Variants in MBOAT2 observed in about 807,000 individuals in gnomAD.
MBOAT2 encodes the protein membrane bound glycerophospholipid O-acyltransferase 2, also known as membrane-bound glycerophospholipid O-acyltransferase 2.
Under a neutral mutation model 63.4 loss-of-function variants are expected in MBOAT2, and 28 were observed. That is an observed-to-expected ratio of 0.44 (90% CI 0.33 to 0.61). The LOEUF (loss-of-function observed/expected upper bound fraction) is 0.61, where lower values mean the gene tolerates loss of function less well. Ranked by LOEUF, MBOAT2 falls within the 20% of genes least tolerant of loss-of-function variation. The pLI, the probability that MBOAT2 is intolerant of heterozygous loss-of-function variation, is 0.03. For missense variants in MBOAT2, 470 were observed against 605.8 expected (o/e 0.78, Z 2.35); for synonymous variants, 211 against 215.6 (o/e 0.98, Z 0.19).
At chr2:8,903,837 T>A (rs764103628) in intron 4 of MBOAT2, among the ~76,000 whole-genome samples, 1 of 152,186 alleles carries the variant, frequency 6.6e-6, no homozygotes, top group Non-Finnish European at 1.5e-5. Context: ...TGTCTTTATA[T>A]CAACTTCACT....
chr2:8,875,326 T>C (rs987006827), intron 7 of MBOAT2, among the ~76,000 whole-genome samples: 2 of 152,212 alleles, frequency 1.3e-5, no homozygotes, highest in Non-Finnish European at 2.9e-5. Flanking sequence ...TATTTGCCAT[T>C]ATCAACAACC....
At chr2:8,953,593 G>T (rs768332252) in intron 2 of MBOAT2, among the ~76,000 whole-genome samples, 10 of 152,032 alleles carry the variant, frequency 6.6e-5, no homozygotes, top group Non-Finnish European at 1.0e-4. Context: ...ACATTTGGTT[G>T]CTTTACATAA....
chr2:8,855,496 A>G lies in MBOAT2; in HGVS notation c.*3183T>C, dbSNP rs1422333682. On this transcript the variant is annotated 3_prime_UTR_variant, in exon 13 of 13. Coordinates refer to ENST00000305997, the MANE Select transcript of MBOAT2 (RefSeq NM_138799.4). The stretch of plus-strand genomic sequence containing the variant: ...TATGTTTGGAAATCCTGTGTGTGTC[A>G]CACATGGTGGAGACCAATAAATATA... The G allele has an allele frequency of 6.6e-6, 1 of 152,252 alleles. No homozygotes were observed. The highest frequency in any genetic ancestry group is 1.5e-5 in the Non-Finnish European group (1 of 68,042). 9.4% of individuals were successfully genotyped at this position (152,252 alleles called of 1,614,324 possible).
chr2:8,931,006 G>A lies in MBOAT2; in HGVS notation c.299+12181C>T, dbSNP rs917248203. Among the ~76,000 whole-genome samples the A allele has an allele frequency of 4.6e-5, 7 of 151,938 alleles. No homozygotes were observed. In the East Asian group the frequency reaches 5.8e-4, roughly 13 times the overall value. On this transcript the variant is annotated intron_variant, in intron 3 of 12. Coordinates refer to ENST00000305997, the MANE Select transcript of MBOAT2 (RefSeq NM_138799.4). ...TGTCTCTCTTTCACCGTGGGCTGCC[G>A]CCACACCAAATCTTTGGCGTGGCTA...
chr2:8,882,218 C>T (rs1417267859), intron 6 of MBOAT2, among the ~76,000 whole-genome samples: 2 of 152,232 alleles, frequency 1.3e-5, no homozygotes, highest in Admixed American at 6.5e-5. Context: ...TACTATCCTC[C>T]TGTCTTCAAG....
At chr2:8,915,776 A>T (rs1320275295) in intron 3 of MBOAT2, among the ~76,000 whole-genome samples, 2 of 152,216 alleles carry the variant, frequency 1.3e-5, no homozygotes, top group Admixed American at 6.5e-5. Context: ...ATACATGCAA[A>T]TAAAATCCAG....
chr2:8,872,838 T>TA (rs1348364000), intron 8 of MBOAT2, among the ~76,000 whole-genome samples: 1 of 152,262 alleles, frequency 6.6e-6, no homozygotes, highest in Non-Finnish European at 1.5e-5. Context: ...CTATCCTGGC[T>TA]AGCACTGAAT....
chr2:8,976,743 C>T (rs1037125050), intron 1 of MBOAT2, among the ~76,000 whole-genome samples: 2 of 152,184 alleles, frequency 1.3e-5, no homozygotes, highest in Non-Finnish European at 2.9e-5. Flanking sequence ...ACAAATAATA[C>T]CAGCAAATCA....
intron 3 of MBOAT2, among the ~76,000 whole-genome samples, chr2:8,914,235 T>C (rs1665989138): frequency 6.6e-6 from 1 of 152,056 alleles, no homozygotes; most frequent in Non-Finnish European, 1.5e-5. Flanking sequence ...GCTTGGGTGA[T>C]GGGTGCACCA....
chr2:8,856,361 G>C lies in MBOAT2; in HGVS notation c.*2318C>G, dbSNP rs2148498825. Reference sequence around the variant, plus strand: ...CACACGAACAAAACCCAACAAGTTTGTATTAAGCCTTCTTGTTTTCACTTA... The same window carrying C: ...CACACGAACAAAACCCAACAAGTTTCTATTAAGCCTTCTTGTTTTCACTTA... On this transcript the variant is annotated 3_prime_UTR_variant, in exon 13 of 13. Coordinates refer to ENST00000305997, the MANE Select transcript of MBOAT2 (RefSeq NM_138799.4). The surrounding 1 kb of genome is among the most constrained non-coding windows in gnomAD (Gnocchi z 4.2). 1 of 151,014 alleles carries C rather than the reference G, an allele frequency of 6.6e-6. No individual in the cohort carries two copies. The highest frequency in any genetic ancestry group is 1.5e-5 in the Non-Finnish European group (1 of 67,782). 9.4% of individuals were successfully genotyped at this position (151,014 alleles called of 1,614,324 possible).
chr2:8,860,430 T>C (rs940666718), intron 12 of MBOAT2, among the ~76,000 whole-genome samples, 183 bp downstream of exon 12: 1 of 152,208 alleles, frequency 6.6e-6, no homozygotes, highest in Non-Finnish European at 1.5e-5. Context: ...GGTTGAGCAG[T>C]ATGAGTCATT....
At chr2:8,889,092 G>A (rs189212805) in intron 4 of MBOAT2, among the ~76,000 whole-genome samples, 258 of 152,278 alleles carry the variant, frequency 1.7e-3, no homozygotes, top group African/African-American at 5.8e-3. Context: ...ACAGTGTGGC[G>A]CACGCAGCAT....
chr2:8,992,644 C>G (rs564190362), intron 1 of MBOAT2, among the ~76,000 whole-genome samples: 1 of 152,318 alleles, frequency 6.6e-6, no homozygotes, highest in South Asian at 2.1e-4. Context: ...TTATGTATCA[C>G]CCTGACCTTC....
intron 3 of MBOAT2, among the ~76,000 whole-genome samples, chr2:8,934,974 G>C (rs1667559708): frequency 6.6e-6 from 1 of 152,178 alleles, no homozygotes; most frequent in South Asian, 2.1e-4. Flanking sequence ...CACTGTAGGA[G>C]TGCTGTGAGT....
intron 3 of MBOAT2, among the ~76,000 whole-genome samples, chr2:8,920,766 T>G (rs1019672573): frequency 6.6e-6 from 1 of 152,224 alleles, no homozygotes; most frequent in Non-Finnish European, 1.5e-5. Flanking sequence ...ATTTTATTCT[T>G]TTTGATGCTG....
intron 3 of MBOAT2, among the ~76,000 whole-genome samples, chr2:8,910,401 A>G (rs1665633136): frequency 6.6e-6 from 1 of 152,096 alleles, no homozygotes; most frequent in Admixed American, 6.5e-5. Context: ...AAAAGAGATG[A>G]TGCTATCCAG....
At chr2:8,987,094 C>T (rs915740116) in intron 1 of MBOAT2, among the ~76,000 whole-genome samples, 2 of 152,216 alleles carry the variant, frequency 1.3e-5, no homozygotes, top group Non-Finnish European at 2.9e-5. Flanking sequence ...AATACTGCTT[C>T]ACCAGCTGTG....
chr2:8,873,118 T>G lies in MBOAT2; in HGVS notation c.873A>C (p.Ala291=). The G allele has an allele frequency of 6.2e-7, 1 of 1,613,866 alleles. No individual in the cohort carries two copies. The highest frequency in any genetic ancestry group is 8.5e-7 in the Non-Finnish European group (1 of 1,179,804). ...LLAARPKYYF[A]WTLADAINNA... The stretch of plus-strand genomic sequence containing the variant: ...TTACATGTTACTTACCTAGCGTCCA[T>G]GCAAAATAGTATTTGGGTCTGGCAG... The change falls in exon 8 of 13, where the codon GCA becomes GCC. Residue 291 remains alanine (A), a synonymous_variant. Transcript: ENST00000305997.
intron 4 of MBOAT2, among the ~76,000 whole-genome samples, chr2:8,898,563 C>G (rs1434096862): frequency 6.6e-6 from 1 of 152,196 alleles, no homozygotes; most frequent in South Asian, 2.1e-4. Flanking sequence ...GAGTAGCCTG[C>G]TGGCAAGAGG....
Sources: allele counts gnomAD v4.1 joint callset (sites outside exome capture counted in the v4.1 genomes callset), GRCh38; gene constraint gnomAD v4.1.1; non-coding constraint Gnocchi (gnomAD v3.1); transcripts MANE v1.5; gene names NCBI Gene and HGNC (gene_info 2026-07-23, HGNC 2026-07-21).